Variants in CHST11 observed in about 807,000 individuals in gnomAD.
CHST11 encodes C4S-1.
A neutral mutation model predicts 30.4 loss-of-function variants in CHST11; 9 were observed. The observed-to-expected ratio is 0.30, with a 90% CI of 0.18 to 0.52. The LOEUF (loss-of-function observed/expected upper bound fraction) is 0.52. Ranked by LOEUF, CHST11 falls within the 20% of genes least tolerant of loss-of-function variation. The pLI, the probability that CHST11 is intolerant of heterozygous loss-of-function variation, is 0.97. For missense variants in CHST11, 348 were observed against 460.6 expected (o/e 0.76, Z 2.24); for synonymous variants, 152 against 187.8 (o/e 0.81, Z 1.56).
intron 2 of CHST11, among the ~76,000 whole-genome samples, chr12:104,665,185 G>A (rs189731466): frequency 6.2e-4 from 95 of 152,298 alleles, no homozygotes; most frequent in Non-Finnish European, 1.3e-3. Flanking sequence ...CTGACTCTGA[G>A]ATCTGATTCT....
intron 1 of CHST11, among the ~76,000 whole-genome samples, chr12:104,585,146 T>C (rs1429173027): frequency 1.3e-5 from 2 of 152,212 alleles, no homozygotes; most frequent in Non-Finnish European, 2.9e-5. Context: ...ATGCCTTTCC[T>C]TGGGGGAGAG....
At chr12:104,746,543 T>C (rs998876551) in intron 2 of CHST11, among the ~76,000 whole-genome samples, 24 of 152,290 alleles carry the variant, frequency 1.6e-4, no homozygotes, top group African/African-American at 5.5e-4. Flanking sequence ...CTACCTCACC[T>C]TCAGGGCTCA....
At chr12:104,552,831 C>G (rs548313439) in intron 1 of CHST11, 11 of 152,378 alleles carry the variant, frequency 7.2e-5, no homozygotes, top group African/African-American at 2.4e-4. Context: ...TTGTCTGTCT[C>G]TGTCCAGTGC....
In CHST11 at chr12:104,761,824, T is replaced by G. The variant is rs1324691694; in HGVS notation, c.*4021T>G. The G allele has an allele frequency of 6.6e-6, 1 of 152,216 alleles. No homozygotes were observed. Among genetic ancestry groups the G allele is most frequent in the African/African-American group, 2.4e-5 (1 of 41,446 alleles). 9.4% of individuals were successfully genotyped at this position (152,216 alleles called of 1,614,324 possible). A position where few individuals can be genotyped will look rare whatever the true frequency, so the allele number is the denominator to read the frequency against. On this transcript the variant is annotated 3_prime_UTR_variant, in exon 3 of 3. Transcript: ENST00000303694. ...ATCTTTGTGGAGTGTGATTTTCTTT[T>G]TTCACATATTTGTATGCAGTAGAGA...
At chr12:104,548,127 A>C (rs1284023882) in intron 1 of CHST11, among the ~76,000 whole-genome samples, 2 of 152,198 alleles carry the variant, frequency 1.3e-5, no homozygotes, top group Non-Finnish European at 2.9e-5. Context: ...CTGTAAACTC[A>C]TTGAGGGCAG....
chr12:104,695,696 C>G (rs1264786912), intron 2 of CHST11, among the ~76,000 whole-genome samples: 1 of 152,144 alleles, frequency 6.6e-6, no homozygotes, highest in Non-Finnish European at 1.5e-5. Flanking sequence ...TTTTTTAATT[C>G]TGTGACCACA....
At chr12:104,712,424 T>G (rs1193281621) in intron 2 of CHST11, among the ~76,000 whole-genome samples, 1 of 152,150 alleles carries the variant, frequency 6.6e-6, no homozygotes, top group Non-Finnish European at 1.5e-5. Flanking sequence ...CAGCCGCCCC[T>G]TCTTGTACAA....
At chr12:104,537,462 G>C (rs912382625) in intron 1 of CHST11, among the ~76,000 whole-genome samples, 22 of 152,190 alleles carry the variant, frequency 1.4e-4, no homozygotes, top group Non-Finnish European at 3.2e-4. Context: ...TCTTGGCCCT[G>C]CTTCTTATCA....
chr12:104,691,810 TA>T (rs1263182353), intron 2 of CHST11, among the ~76,000 whole-genome samples: 2 of 152,084 alleles, frequency 1.3e-5, no homozygotes, highest in African/African-American at 4.8e-5. Flanking sequence ...TTAACACAGG[TA>T]TTGTCACCTA....
chr12:104,603,085 G>T (rs1396561002), intron 2 of CHST11, among the ~76,000 whole-genome samples: 1 of 152,158 alleles, frequency 6.6e-6, no homozygotes, highest in African/African-American at 2.4e-5. Context: ...TATTGCCTGA[G>T]GCTTCCTGTA....
chr12:104,475,352 C>T (rs1473890988), intron 1 of CHST11, among the ~76,000 whole-genome samples: 1 of 150,326 alleles, frequency 6.7e-6, no homozygotes, highest in Non-Finnish European at 1.5e-5. Context: ...CTGTGGGTGG[C>T]TAGGAAAAAA....
intron 2 of CHST11, among the ~76,000 whole-genome samples, chr12:104,667,566 G>C (rs2039652984): frequency 6.6e-6 from 1 of 152,226 alleles, no homozygotes; most frequent in South Asian, 2.1e-4. Context: ...TTTTAGACGA[G>C]TGGTCCTAAC....
At position 104,611,770 on chromosome 12, in the gene CHST11, C is replaced by T. The variant is rs530719396; in HGVS notation, c.204+9779C>T. 1.3e-3 allele frequency among the ~76,000 whole-genome samples: 197 copies of T among 152,228 alleles called. 1 individual carries two copies. The highest frequency in any genetic ancestry group is 6.7e-3 in the Admixed American group (102 of 15,300). On this transcript the variant is annotated intron_variant, in intron 2 of 2. Transcript: ENST00000303694. ...CGATGTTTCCCCCAGAAGTTCCTTC[C>T]GGAAAGCGTAAGTGTGAGTATTGTG...
At chr12:104,594,054 A>C (rs1015046750) in intron 1 of CHST11, among the ~76,000 whole-genome samples, 2 of 152,196 alleles carry the variant, frequency 1.3e-5, no homozygotes, top group Non-Finnish European at 2.9e-5. Context: ...TCTTTGGTTA[A>C]GTCCTCAGAT....
intron 1 of CHST11, among the ~76,000 whole-genome samples, chr12:104,463,795 A>G (rs997191564): frequency 2.6e-5 from 4 of 152,216 alleles, no homozygotes; most frequent in Admixed American, 2.6e-4. Flanking sequence ...GCCATGTTCC[A>G]GGCAGAGAGC....
intron 1 of CHST11, among the ~76,000 whole-genome samples, chr12:104,512,185 T>C (rs1037598706): frequency 4.6e-5 from 7 of 152,216 alleles, no homozygotes; most frequent in African/African-American, 1.7e-4. Flanking sequence ...ACAAAATCAC[T>C]GTTAGTGAGA....
intron 2 of CHST11, among the ~76,000 whole-genome samples, chr12:104,723,759 T>C (rs1042820738): frequency 1.3e-5 from 2 of 152,226 alleles, no homozygotes; most frequent in Non-Finnish European, 2.9e-5. Context: ...CGTATCACTT[T>C]AGTGCCCAGA....
At chr12:104,522,727 C>T (rs2038085640) in intron 1 of CHST11, among the ~76,000 whole-genome samples, 1 of 152,168 alleles carries the variant, frequency 6.6e-6, no homozygotes, top group Non-Finnish European at 1.5e-5. Context: ...GGCAATCCTC[C>T]TGCCTCAGCC....
At chr12:104,564,690 G>A (rs556536629) in intron 1 of CHST11, among the ~76,000 whole-genome samples, 272 of 152,206 alleles carry the variant, frequency 1.8e-3, no homozygotes, top group African/African-American at 6.1e-3. Flanking sequence ...GATGCACATC[G>A]GTGATCCTTT....
Sources: gnomAD v4.1 joint callset for allele counts (sites outside exome capture counted in the v4.1 genomes callset) on GRCh38, gnomAD v4.1.1 for gene constraint, MANE v1.5 for transcripts, NCBI Gene and HGNC (gene_info 2026-07-23, HGNC 2026-07-21) for gene names.